The following UBE2E2 variants were observed in gnomAD, a reference collection of about 807,000 sequenced individuals.
UBE2E2 encodes the protein ubiquitin conjugating enzyme E2 E2.
A neutral mutation model predicts 24.7 loss-of-function variants in UBE2E2; 6 were observed. The observed-to-expected ratio is 0.24, with a 90% confidence interval of 0.13 to 0.48. The LOEUF is 0.48. Ranked by LOEUF, UBE2E2 falls within the 20% of genes least tolerant of loss-of-function variation. The pLI is 0.99. For missense variants in UBE2E2, 169 were observed against 245.0 expected, an observed-to-expected ratio of 0.69 and a Z score of 2.07; for synonymous variants, 104 against 83.6, an observed-to-expected ratio of 1.24 and a Z score of -1.33.
chr3:23,208,946 A>T lies in UBE2E2; in HGVS notation c.176+71A>T, dbSNP rs1024159091. 8 of 1,409,490 alleles carry T rather than the reference A, an allele frequency of 5.7e-6. No individual in the cohort carries two copies. The African/African-American group carries it at 1.2e-4, about 21-fold the overall frequency. 87.3% of individuals were successfully genotyped at this position (1,409,490 alleles called of 1,614,324 possible). A position where few individuals can be genotyped will look rare whatever the true frequency, so the allele number is the denominator to read the frequency against. Reference sequence around the variant, plus strand: ...ATCTTAAGTTCTATTTTTCTCTTGCATTTAATCATTTTTTCTGGGATGTCG... The same window carrying T: ...ATCTTAAGTTCTATTTTTCTCTTGCTTTTAATCATTTTTTCTGGGATGTCG... On this transcript the variant is annotated intron_variant, in intron 2 of 5. Coordinates refer to ENST00000396703, the MANE Select transcript of UBE2E2 (RefSeq NM_152653.4).
intron 3 of UBE2E2, among the ~76,000 whole-genome samples, chr3:23,304,264 A>G (rs990318935): frequency 6.6e-6 from 1 of 152,190 alleles, no homozygotes; most frequent in Non-Finnish European, 1.5e-5. Flanking sequence ...AATCAAAAAC[A>G]TAGAGACCTT....
At chr3:23,567,917 T>C (rs1036473918) in intron 5 of UBE2E2, among the ~76,000 whole-genome samples, 1 of 152,188 alleles carries the variant, frequency 6.6e-6, no homozygotes, top group African/African-American at 2.4e-5. Flanking sequence ...GCAATAAGTT[T>C]CCTCCTTTTT....
chr3:23,461,352 T>C (rs1188857281), intron 3 of UBE2E2, among the ~76,000 whole-genome samples: 1 of 152,140 alleles, frequency 6.6e-6, no homozygotes, highest in Admixed American at 6.5e-5. Context: ...GTAACTTATC[T>C]TTGTCTTTAG....
intron 3 of UBE2E2, among the ~76,000 whole-genome samples, chr3:23,290,391 G>C (rs551074044): frequency 6.6e-6 from 1 of 152,334 alleles, no homozygotes; most frequent in South Asian, 2.1e-4. Context: ...CTTGTTAAAA[G>C]TGTAGACCTT....
At chr3:23,387,917 T>C (rs1296535497) in intron 3 of UBE2E2, among the ~76,000 whole-genome samples, 1 of 152,128 alleles carries the variant, frequency 6.6e-6, no homozygotes, top group African/African-American at 2.4e-5. Context: ...TTCAATGTGA[T>C]CTAAAAATAA....
intron 3 of UBE2E2, among the ~76,000 whole-genome samples, chr3:23,497,496 T>C (rs939199453): frequency 1.2e-4 from 19 of 152,354 alleles, no homozygotes; most frequent in African/African-American, 4.6e-4. Flanking sequence ...GTACAGTATG[T>C]ATTATAGTTA....
intron 3 of UBE2E2, among the ~76,000 whole-genome samples, chr3:23,467,579 C>T (rs1698949069): frequency 2.0e-5 from 3 of 152,128 alleles, no homozygotes; most frequent in Non-Finnish European, 2.9e-5. Context: ...AAAAGGGTTC[C>T]TGCAGTGTTG....
chr3:23,516,852 T>A (rs146879568), intron 4 of UBE2E2, among the ~76,000 whole-genome samples: 1 of 152,156 alleles, frequency 6.6e-6, no homozygotes, highest in Non-Finnish European at 1.5e-5. Flanking sequence ...TCCATCTAAT[T>A]GTGGGACCTC....
chr3:23,485,026 T>G (rs1023248920), intron 3 of UBE2E2, among the ~76,000 whole-genome samples: 10 of 151,802 alleles, frequency 6.6e-5, no homozygotes, highest in Admixed American at 4.6e-4. Flanking sequence ...ATTTTAGTCC[T>G]GTGGGAGTCT....
chr3:23,303,301 G>A lies in UBE2E2; in HGVS notation c.227+85989G>A, dbSNP rs536975857. ...TAATTATTTCATTATATATTACAATGTAATAATAATAGAAATAAAGTGCAC... is the reference window on the plus strand; with the variant it reads ...TAATTATTTCATTATATATTACAATATAATAATAATAGAAATAAAGTGCAC... On this transcript the variant is annotated intron_variant, in intron 3 of 5. Transcript: ENST00000396703. Among the ~76,000 whole-genome samples the A allele has an allele frequency of 1.8e-3, 281 of 152,160 alleles. 1 individual carries two copies. The highest frequency in any genetic ancestry group is 4.8e-3 in the South Asian group (23 of 4,810).
At chr3:23,431,618 G>A (rs1380677630) in intron 3 of UBE2E2, among the ~76,000 whole-genome samples, 2 of 151,982 alleles carry the variant, frequency 1.3e-5, no homozygotes, top group Non-Finnish European at 2.9e-5. Context: ...TGTAAAGTGA[G>A]GTTTATAGAT....
At chr3:23,580,124 G>GA (rs1204400275) in intron 5 of UBE2E2, among the ~76,000 whole-genome samples, 1 of 152,196 alleles carries the variant, frequency 6.6e-6, no homozygotes, top group African/African-American at 2.4e-5. Flanking sequence ...TTTGAACACT[G>GA]AAATGACAAC....
At chr3:23,364,829 C>G (rs1207095060) in intron 3 of UBE2E2, among the ~76,000 whole-genome samples, 1 of 152,070 alleles carries the variant, frequency 6.6e-6, no homozygotes, top group Non-Finnish European at 1.5e-5. Flanking sequence ...AAAAGAAAAT[C>G]TTAGGCCAAT....
At chr3:23,499,499 C>CTTTTTTTTT in intron 3 of UBE2E2, 109 bp from the exon 4 acceptor site, 1 of 1,367,136 alleles carries the variant, frequency 7.3e-7, no homozygotes, top group South Asian at 1.5e-5. Flanking sequence ...AACTGATTAA[C>CTTTTTTTTT]TTTTTGTGTT....
intron 5 of UBE2E2, among the ~76,000 whole-genome samples, chr3:23,540,545 C>T (rs1695372134): frequency 6.6e-6 from 1 of 152,106 alleles, no homozygotes; most frequent in African/African-American, 2.4e-5. Flanking sequence ...GCTGAGATTA[C>T]AGGCGCGCAC....
intron 3 of UBE2E2, among the ~76,000 whole-genome samples, chr3:23,269,322 C>G (rs1480616596): frequency 6.6e-6 from 1 of 152,196 alleles, no homozygotes; most frequent in East Asian, 1.9e-4. Context: ...GGGCTAATAT[C>G]CAGAATCTAC....
chr3:23,286,690 G>A (rs1350036652), intron 3 of UBE2E2, among the ~76,000 whole-genome samples: 4 of 152,130 alleles, frequency 2.6e-5, no homozygotes, highest in African/African-American at 9.7e-5. Flanking sequence ...TGTGGAGAAT[G>A]TCGTTGGTAT....
At chr3:23,218,870 G>C (rs975874485) in intron 3 of UBE2E2, among the ~76,000 whole-genome samples, 1 of 152,030 alleles carries the variant, frequency 6.6e-6, no homozygotes, top group Admixed American at 6.6e-5. Flanking sequence ...TAAAAGAAAC[G>C]TTTAACTATA....
rs1271688246 is a variant in UBE2E2 at position 23,441,550 on chromosome 3, A to AG, written c.228-58058_228-58057insG. Among the ~76,000 whole-genome samples the AG allele has an allele frequency of 3.3e-5, 5 of 151,336 alleles. No homozygotes were observed. The South Asian group carries it at 6.3e-4, about 19-fold the overall frequency. On this transcript the variant is annotated intron_variant, in intron 3 of 5. Transcript: ENST00000396703. ...CGAGACTCCGTCTCAAAAAAAAAAA[A>AG]AAAAGAATTGGGTAAGGAAACTTAA... is the stretch of plus-strand genomic sequence containing the variant.
Sources: gnomAD v4.1 joint callset for allele counts (sites outside exome capture counted in the v4.1 genomes callset) on GRCh38, gnomAD v4.1.1 for gene constraint, MANE v1.5 for transcripts, NCBI Gene and HGNC (gene_info 2026-07-23, HGNC 2026-07-21) for gene names.